The following CWC22 variants were observed in gnomAD, a reference collection of about 807,000 sequenced individuals.
CWC22 encodes pre-mRNA-splicing factor CWC22 homolog.
CWC22 carries 53 observed loss-of-function variants against 117.2 expected under a neutral mutation model. That is an observed-to-expected ratio of 0.45 (90% CI 0.36 to 0.57). The LOEUF is 0.57. Ranked by LOEUF, CWC22 falls within the 20% of genes least tolerant of loss-of-function variation. The pLI is 0.00. For synonymous variants in CWC22, 360 were observed against 355.6 expected, an observed-to-expected ratio of 1.01 and a Z score of -0.14; for missense variants, 980 against 1,068.8, an observed-to-expected ratio of 0.92 and a Z score of 1.16.
intron 1 of CWC22, among the ~76,000 whole-genome samples, chr2:179,994,334 C>T (rs1687646663): frequency 6.6e-6 from 1 of 152,066 alleles, no homozygotes; most frequent in African/African-American, 2.4e-5. Context: ...ATTTGAGTGT[C>T]AGAAAGGGTA....
intron 2 of CWC22, among the ~76,000 whole-genome samples, chr2:179,992,311 T>A (rs1687587966): frequency 6.6e-6 from 1 of 152,224 alleles, no homozygotes; most frequent in African/African-American, 2.4e-5. Flanking sequence ...ATGGAATTAC[T>A]GGTCCCTATT....
chr2:179,993,032 T>C (rs1306753198), intron 2 of CWC22, among the ~76,000 whole-genome samples: 1 of 152,132 alleles, frequency 6.6e-6, no homozygotes, highest in Non-Finnish European at 1.5e-5. Context: ...CACACACACG[T>C]ACACACACTT....
chr2:179,992,374 CT>C (rs1257562573), intron 2 of CWC22, among the ~76,000 whole-genome samples: 1 of 151,448 alleles, frequency 6.6e-6, no homozygotes, highest in African/African-American at 2.4e-5. Flanking sequence ...CTGCTCCACT[CT>C]AGATTCTTTG....
Position 179,952,504 on chromosome 2 carries a change from C to T in CWC22, c.1784G>A (p.Gly595Asp). 1 of 1,569,824 alleles carries T rather than the reference C, an allele frequency of 6.4e-7. No individual in the cohort carries two copies. Among genetic ancestry groups the T allele is most frequent in the Non-Finnish European group, 8.6e-7 (1 of 1,156,372 alleles). ...IFFQELCEYM[G>D]LPKLNARLKD... The stretch of plus-strand genomic sequence containing the variant: ...TAATCTTGCATTAAGTTTAGGAAGA[C>T]CCATGTATTCACACAGTTCCTGGAA... The change falls in exon 17 of 20, where the codon GGT becomes GAT. Residue 595 changes from glycine (G) to aspartate (D), a missense_variant. This residue lies in a region of CWC22 where 115 missense variants were observed against 169.8 expected (regional missense o/e 0.68). Transcript: ENST00000410053.
intron 2 of CWC22, among the ~76,000 whole-genome samples, chr2:179,989,477 A>C (rs559110163): frequency 6.6e-6 from 1 of 152,188 alleles, no homozygotes; most frequent in South Asian, 2.1e-4. Context: ...ACATGTTTAT[A>C]AAAGTTAATT....
intron 5 of CWC22, among the ~76,000 whole-genome samples, chr2:179,981,053 T>C (rs1277295685): frequency 1.3e-5 from 2 of 152,192 alleles, no homozygotes; most frequent in Non-Finnish European, 2.9e-5. Context: ...CTGTCTGCCT[T>C]AGAGTAGCAA....
At chr2:179,997,652 C>T (rs1687742001) in intron 1 of CWC22, among the ~76,000 whole-genome samples, 1 of 152,180 alleles carries the variant, frequency 6.6e-6, no homozygotes, top group African/African-American at 2.4e-5. Flanking sequence ...ACATTTCTAA[C>T]ATATCCTTTA....
Position 179,986,778 on chromosome 2 carries a change from C to A in CWC22, c.123G>T (p.Arg41=), listed in dbSNP as rs1212557087. 20 of 1,597,130 alleles carry A rather than the reference C, an allele frequency of 1.3e-5. No individual in the cohort carries two copies. Among genetic ancestry groups the A allele is most frequent in the Non-Finnish European group, 1.7e-5 (20 of 1,172,826 alleles). Residue 41 remains arginine (R), a synonymous_variant, in exon 4 of 20, where the codon CGG becomes CGT. Coordinates refer to ENST00000410053, the MANE Select transcript of CWC22 (RefSeq NM_020943.3). ...DRYEEQERSP[R]DRDYFDYSRS... is the part of the protein sequence containing the mutation. ...TGCTGTAATCAAAGTAATCTCTATC[C>A]CGGGGGGATCGTTCTTGTTCTTCAT...
At chr2:179,959,738 A>T (rs1013049911) in intron 13 of CWC22, among the ~76,000 whole-genome samples, 2 of 152,100 alleles carry the variant, frequency 1.3e-5, no homozygotes, top group African/African-American at 4.8e-5. Context: ...GTATCTAAAC[A>T]CACTAAACAT....
chr2:179,975,161 C>T lies in CWC22; in HGVS notation c.582-1359G>A, dbSNP rs532086647. ...CATGGAGTAATTCTATTTTCTGACC[C>T]TTTTAAATATCACCAATTGCTTAAA... On this transcript the variant is annotated intron_variant, in intron 6 of 19. Coordinates refer to ENST00000410053, the MANE Select transcript of CWC22 (RefSeq NM_020943.3). Among the ~76,000 whole-genome samples, 4 of 152,090 alleles carry T rather than the reference C, an allele frequency of 2.6e-5. No homozygotes were observed. In the South Asian group the frequency reaches 8.3e-4, roughly 32 times the overall value.
At position 179,945,674 on chromosome 2, in the gene CWC22, T is replaced by C. The variant is rs563511869; in HGVS notation, c.2182A>G (p.Lys728Glu). The C allele has an allele frequency of 2.2e-5, 36 of 1,608,326 alleles. No homozygotes were observed. Among genetic ancestry groups the C allele is most frequent in the Non-Finnish European group, 2.8e-5 (33 of 1,178,934 alleles). Residue 728 changes from lysine (K) to glutamate (E), a missense_variant, in exon 20 of 20, where the codon AAA becomes GAA. Physicochemically the swap from Lys to Glu is moderately conservative, Grantham distance 56. This residue lies in a region of CWC22 where 306 missense variants were observed against 296.8 expected (regional missense o/e 1.03). Transcript: ENST00000410053. Reference protein sequence around the residue: ...RKKGHGKTRSKEVDKLIRNQQ... With the variant: ...RKKGHGKTRSEEVDKLIRNQQ... ...TTTCTGATCAATTTATCTACCTCTT[T>C]ACTTCTGGTCTTCCCATGTCCCTTC...
Position 179,973,263 on chromosome 2 carries a change from G to A in CWC22, c.751-17C>T, listed in dbSNP as rs1687076860. 1.3e-6 allele frequency: 2 copies of A among 1,583,214 alleles called. No individual in the cohort carries two copies. The highest frequency in any genetic ancestry group is 1.7e-6 in the Non-Finnish European group (2 of 1,162,130). On this transcript the variant is annotated splice_polypyrimidine_tract_variant and intron_variant, in intron 7 of 19. Transcript: ENST00000410053. The stretch of plus-strand genomic sequence containing the variant: ...GCAAAGTTGCTGAAAAATAAAGGTG[G>A]AAAGTTAACCTATAAACTAAACCCA...
chr2:179,965,189 A>T (rs542673697), intron 12 of CWC22, among the ~76,000 whole-genome samples: 3 of 152,364 alleles, frequency 2.0e-5, no homozygotes, highest in Admixed American at 1.3e-4. Flanking sequence ...GAAAAAATTA[A>T]ATCTATTTTT....
intron 8 of CWC22, among the ~76,000 whole-genome samples, chr2:179,971,605 C>CTGT (rs985372348): frequency 2.0e-4 from 30 of 152,038 alleles, no homozygotes; most frequent in African/African-American, 7.0e-4. Flanking sequence ...ACTTCTGGAA[C>CTGT]ACAACAGTTT....
intron 4 of CWC22, 112 bp from the exon 5 acceptor site, chr2:179,982,109 GA>G: frequency 1.6e-6 from 1 of 643,744 alleles, no homozygotes; most frequent in Non-Finnish European, 2.7e-6. Flanking sequence ...TTCAGACTAG[GA>G]AAAGTGGTTT....
chr2:179,987,011 A>G (rs1248815547), intron 3 of CWC22, among the ~76,000 whole-genome samples: 1 of 152,140 alleles, frequency 6.6e-6, no homozygotes, highest in Admixed American at 6.5e-5. Context: ...AACAACTCCT[A>G]GGATTCACTT....
At chr2:179,960,203 A>C (rs1686712631) in intron 13 of CWC22, among the ~76,000 whole-genome samples, 1 of 152,056 alleles carries the variant, frequency 6.6e-6, no homozygotes, top group Non-Finnish European at 1.5e-5. Context: ...TAATGAATTT[A>C]TTAAATGTTC....
At chr2:179,989,984 C>G (rs17779678) in intron 2 of CWC22, among the ~76,000 whole-genome samples, 22,268 of 151,954 alleles carry the variant, frequency 0.15, 2,010 homozygotes, top group Admixed American at 0.29. Flanking sequence ...AATATAAGAT[C>G]CAACTTCCTC....
At chr2:179,962,279 T>A (rs1455296692) in intron 13 of CWC22, among the ~76,000 whole-genome samples, 1 of 152,146 alleles carries the variant, frequency 6.6e-6, no homozygotes, top group African/African-American at 2.4e-5. Context: ...ACAGTTCAGT[T>A]GCCAGAACTT....
Sources: gnomAD v4.1 joint callset for allele counts (sites outside exome capture counted in the v4.1 genomes callset) on GRCh38, gnomAD v4.1.1 for gene constraint, gnomAD v4.1.1 regional missense constraint, MANE v1.5 for transcripts, NCBI Gene and HGNC (gene_info 2026-07-23, HGNC 2026-07-21) for gene names.